The following NELL1 variants were observed in gnomAD, a reference collection of about 807,000 sequenced individuals.
The protein encoded by NELL1 is neural EGFL like 1.
A neutral mutation model predicts 107.4 loss-of-function variants in NELL1; 76 were observed. The observed-to-expected ratio is 0.71, with a 90% CI of 0.59 to 0.86. The LOEUF (loss-of-function observed/expected upper bound fraction) is 0.86, where lower values mean the gene tolerates loss of function less well. Ranked by LOEUF, NELL1 falls within the 40% of genes least tolerant of loss-of-function variation. The pLI, the probability that NELL1 is intolerant of heterozygous loss-of-function variation, is 0.00. For missense variants in NELL1, 1,024 were observed against 1,005.5 expected, an observed-to-expected ratio of 1.02 and a Z score of -0.25; for synonymous variants, 353 against 341.2, an observed-to-expected ratio of 1.03 and a Z score of -0.38.
At chr11:21,044,177 G>A (rs1194717630) in intron 12 of NELL1, among the ~76,000 whole-genome samples, 2 of 152,144 alleles carry the variant, frequency 1.3e-5, no homozygotes, top group Admixed American at 6.6e-5. Context: ...TGTGCCCAGG[G>A]TGATAGAAGG....
intron 11 of NELL1, among the ~76,000 whole-genome samples, chr11:20,948,814 A>G (rs1018047122): frequency 6.6e-6 from 1 of 151,934 alleles, no homozygotes; most frequent in Non-Finnish European, 1.5e-5. Context: ...TATTATTTTA[A>G]AACTATATCT....
chr11:20,943,367 G>A (rs1247536301), intron 10 of NELL1, among the ~76,000 whole-genome samples: 8 of 151,892 alleles, frequency 5.3e-5, no homozygotes, highest in African/African-American at 1.7e-4. Flanking sequence ...GGTGGATCAC[G>A]AGGTCAGGAG....
intron 13 of NELL1, among the ~76,000 whole-genome samples, chr11:21,182,148 C>T (rs2133825023): frequency 6.6e-6 from 1 of 151,812 alleles, no homozygotes. Flanking sequence ...AGAAAATGAG[C>T]TCCAGCTGGG....
At chr11:20,862,605 C>CTTTTTTTTTTTTGTTT (rs1848998299) in intron 4 of NELL1, among the ~76,000 whole-genome samples, 1 of 94,650 alleles carries the variant, frequency 1.1e-5, no homozygotes, top group African/African-American at 4.0e-5. Context: ...TGAGCTGCTG[C>CTTTTTTTTTTTTGTTT]TTTTTTTTTT....
chr11:21,566,199 T>C (rs1273597249), intron 17 of NELL1, among the ~76,000 whole-genome samples: 2 of 151,868 alleles, frequency 1.3e-5, no homozygotes, highest in Non-Finnish European at 2.9e-5. Flanking sequence ...TGGGCATCCG[T>C]TTTCCAACCC....
chr11:21,219,340 T>C (rs61888067), intron 13 of NELL1, among the ~76,000 whole-genome samples: 10,437 of 152,274 alleles, frequency 0.069, 442 homozygotes, highest in Non-Finnish European at 0.1. Flanking sequence ...TTTGCTTTTG[T>C]GCTGTTAAAT....
At chr11:21,324,957 C>T (rs1457640425) in intron 14 of NELL1, among the ~76,000 whole-genome samples, 3 of 152,040 alleles carry the variant, frequency 2.0e-5, no homozygotes, top group Admixed American at 6.6e-5. Context: ...TTAGAATCAT[C>T]CTTACTTTCC....
intron 14 of NELL1, among the ~76,000 whole-genome samples, chr11:21,353,419 G>A (rs1487957567): frequency 6.6e-6 from 1 of 152,188 alleles, no homozygotes. Flanking sequence ...CACACAGGTG[G>A]TGATTAAATC....
At chr11:21,113,846 C>A (rs2133729442) in intron 13 of NELL1, 132 bp downstream of exon 13, 1 of 879,876 alleles carries the variant, frequency 1.1e-6, no homozygotes, top group East Asian at 2.9e-5. Context: ...TTACTTCACC[C>A]CACCTTTTGA....
Position 21,513,553 on chromosome 11 carries a change from A to T in NELL1, c.1646-20821A>T, listed in dbSNP as rs149162884. Among the ~76,000 whole-genome samples the T allele has an allele frequency of 4.5e-3, 682 of 152,322 alleles. 5 individuals carry two copies. Among genetic ancestry groups the T allele is most frequent in the African/African-American group, 0.016 (651 of 41,580 alleles). ...GATGGAAAAGGAGGAACTGCAAAAT[A>T]GGCCTAGTTTTCTCAAAGACATGCT... On this transcript the variant is annotated intron_variant, in intron 15 of 19. Coordinates refer to ENST00000357134, the MANE Select transcript of NELL1 (RefSeq NM_006157.5).
At chr11:20,875,106 C>T (rs896690155) in intron 4 of NELL1, among the ~76,000 whole-genome samples, 10 of 152,196 alleles carry the variant, frequency 6.6e-5, no homozygotes, top group South Asian at 4.1e-4. Context: ...TCATGGTACA[C>T]TTTAAGATCA....
intron 3 of NELL1, among the ~76,000 whole-genome samples, chr11:20,815,333 G>A (rs192368050): frequency 1.2e-4 from 18 of 152,170 alleles, no homozygotes; most frequent in Admixed American, 3.9e-4. Context: ...TGATCCACCC[G>A]CCTCAGCCTC....
intron 14 of NELL1, among the ~76,000 whole-genome samples, chr11:21,321,458 C>T (rs1044669475): frequency 2.6e-5 from 4 of 152,080 alleles, no homozygotes; most frequent in African/African-American, 9.7e-5. Flanking sequence ...GCATGCCAGA[C>T]AAGTTTTCTC....
chr11:21,469,719 G>A (rs543861136), intron 15 of NELL1, among the ~76,000 whole-genome samples: 2 of 152,192 alleles, frequency 1.3e-5, no homozygotes, highest in Admixed American at 1.3e-4. Context: ...AAAAGGTATA[G>A]GCAAATGCAA....
intron 2 of NELL1, among the ~76,000 whole-genome samples, chr11:20,708,282 C>G (rs1348378608): frequency 6.6e-6 from 1 of 152,264 alleles, no homozygotes; most frequent in African/African-American, 2.4e-5. Flanking sequence ...TCCCCGATCC[C>G]TTGCACTTCC....
At chr11:21,298,799 G>A (rs780148961) in intron 14 of NELL1, among the ~76,000 whole-genome samples, 2 of 151,942 alleles carry the variant, frequency 1.3e-5, no homozygotes, top group Non-Finnish European at 2.9e-5. Context: ...AGCAGCAGCA[G>A]CAACAACAAC....
At chr11:21,216,318 G>A (rs2133866366) in intron 13 of NELL1, among the ~76,000 whole-genome samples, 1 of 152,218 alleles carries the variant, frequency 6.6e-6, no homozygotes, top group Non-Finnish European at 1.5e-5. Flanking sequence ...CTAGGGAAGT[G>A]CAGAAGGGAA....
chr11:21,367,830 G>T (rs1590873786), intron 14 of NELL1, among the ~76,000 whole-genome samples: 2 of 152,006 alleles, frequency 1.3e-5, no homozygotes, highest in Admixed American at 6.6e-5. Flanking sequence ...TATAATTTCT[G>T]CCAGCCCATC....
intron 15 of NELL1, among the ~76,000 whole-genome samples, chr11:21,413,633 T>G (rs191381725): frequency 6.6e-6 from 1 of 152,156 alleles, no homozygotes; most frequent in Non-Finnish European, 1.5e-5. Flanking sequence ...GTTCTGTCCT[T>G]ATTTTAGCCT....
Sources: gnomAD v4.1 joint callset for allele counts (sites outside exome capture counted in the v4.1 genomes callset) on GRCh38, gnomAD v4.1.1 for gene constraint, MANE v1.5 for transcripts, NCBI Gene and HGNC (gene_info 2026-07-23, HGNC 2026-07-21) for gene names.